HEG1: variants seen among roughly 807,000 people sequenced by gnomAD.
The protein encoded by HEG1 is protein HEG homolog 1.
Under a neutral mutation model 125.6 loss-of-function variants are expected in HEG1, and 56 were observed. The observed-to-expected ratio is 0.45, with a 90% CI of 0.36 to 0.56. The LOEUF (loss-of-function observed/expected upper bound fraction) is 0.56. Ranked by LOEUF, HEG1 falls within the 20% of genes least tolerant of loss-of-function variation. The probability of loss-of-function intolerance (pLI) is 0.00; values close to 1 mark genes in which losing one functional copy is unlikely to be tolerated. For missense variants in HEG1, 1,523 were observed against 1,670.0 expected, an observed-to-expected ratio of 0.91 and a Z score of 1.53; for synonymous variants, 644 against 668.5, an observed-to-expected ratio of 0.96 and a Z score of 0.57.
In HEG1 at chr3:124,977,858, C is replaced by T; in HGVS notation, c.3821+1G>A. On this transcript the variant is annotated splice_donor_variant, in intron 15 of 16. Transcript: ENST00000311127. LOFTEE classifies it high-confidence loss of function. ...TTGGAACCTGAACTCTCATCACTTA[C>T]CTGCAACAGGTAACAATCAGTGCGA... 1 of 1,561,120 alleles carries T rather than the reference C, an allele frequency of 6.4e-7. No homozygotes were observed. The highest frequency in any genetic ancestry group is 8.7e-7 in the Non-Finnish European group (1 of 1,151,420).
chr3:124,994,042 T>C (rs926148601), intron 12 of HEG1, among the ~76,000 whole-genome samples: 5 of 152,170 alleles, frequency 3.3e-5, no homozygotes, highest in Admixed American at 2.6e-4. Flanking sequence ...CCCCACGTTT[T>C]TGGCACCAGT....
intron 1 of HEG1, among the ~76,000 whole-genome samples, chr3:125,045,167 CA>C (rs1937643735): frequency 1.3e-5 from 2 of 152,326 alleles, no homozygotes; most frequent in South Asian, 4.1e-4. Context: ...AAGTGAAGCT[CA>C]CTAAACCTGT....
chr3:125,031,583 A>G (rs1042902467), intron 1 of HEG1, among the ~76,000 whole-genome samples: 1 of 152,122 alleles, frequency 6.6e-6, no homozygotes. Flanking sequence ...ATTTATATGA[A>G]TCAAACAAAA....
intron 1 of HEG1, among the ~76,000 whole-genome samples, chr3:125,038,651 C>G (rs767934550): frequency 9.9e-5 from 15 of 152,220 alleles, no homozygotes; most frequent in African/African-American, 2.4e-5. Flanking sequence ...CTGAGTTCAT[C>G]AGGGCCACTG....
chr3:125,013,318 G>T lies in HEG1; in HGVS notation c.2261C>A (p.Pro754His), dbSNP rs912548318. Residue 754 changes from proline (P) to histidine (H), a missense_variant, in exon 6 of 17, where the codon CCT (proline) becomes CAT (histidine). Coordinates refer to ENST00000311127, the MANE Select transcript of HEG1 (RefSeq NM_020733.2). ...TGTTGATGTCTGAAATGAAGTCACA[G>T]GAGTCTCCCTTGCCCTGGGCAGGAC... ...TPVLPRARET[P>H]VTSFQTSTMT... 6.2e-7 allele frequency: 1 copy of T among 1,613,894 alleles called. No individual in the cohort carries two copies. Among genetic ancestry groups the T allele is most frequent in the Non-Finnish European group, 8.5e-7 (1 of 1,179,896 alleles).
At chr3:124,974,508 C>T (rs1021524937) in intron 15 of HEG1, among the ~76,000 whole-genome samples, 36 of 152,204 alleles carry the variant, frequency 2.4e-4, no homozygotes, top group African/African-American at 7.9e-4. Flanking sequence ...TTCTACTACA[C>T]GAAGCAAATA....
rs1401803502 is a variant in HEG1, at chr3:125,020,956, G to C, written c.1088C>G (p.Ser363Cys). The change falls in exon 4 of 17, where the codon TCC (serine) becomes TGC (cysteine). Residue 363 changes from serine (S) to cysteine (C), a missense_variant. Physicochemically the swap from Ser to Cys is moderately radical, Grantham distance 112. Coordinates refer to ENST00000311127, the MANE Select transcript of HEG1 (RefSeq NM_020733.2). ...TGAGGATGAAGTCGTGGCAATTCTG[G>C]AGTCCTTGGGGAAGCCTTCTGTCTT... ...VSKTEGFPKDSRIATTSSSVL... is the reference protein window; with the variant it reads ...VSKTEGFPKDCRIATTSSSVL... 1.2e-6 allele frequency: 2 copies of C among 1,613,832 alleles called. No homozygotes were observed. Among genetic ancestry groups the C allele is most frequent in the African/African-American group, 1.3e-5 (1 of 74,904 alleles).
chr3:125,031,846 A>G (rs1937507572), intron 1 of HEG1, among the ~76,000 whole-genome samples: 2 of 152,128 alleles, frequency 1.3e-5, no homozygotes, highest in South Asian at 2.1e-4. Flanking sequence ...ACACACATAC[A>G]CACGGAACAA....
In HEG1 at chr3:125,013,552, A is replaced by C; in HGVS notation, c.2027T>G (p.Leu676Trp). 6.4e-7 allele frequency: 1 copy of C among 1,573,012 alleles called. No homozygotes were observed. Among genetic ancestry groups the C allele is most frequent in the Non-Finnish European group, 8.6e-7 (1 of 1,163,782 alleles). Residue 676 changes from leucine to tryptophan, a missense_variant, in exon 6 of 17, where the codon TTG (leucine) becomes TGG (tryptophan). Physicochemically the swap from Leu to Trp is moderately conservative, Grantham distance 61 (BLOSUM62 -2). Coordinates refer to ENST00000311127, the MANE Select transcript of HEG1 (RefSeq NM_020733.2). ...GGATTGTGACACAGAGGGCAGAGGC[A>C]AAGGAGGCCCTGAAGAAGAAGAAGA... ...SSSSSSSGPP[L>W]PLPSVSQSHH...
Position 125,027,272 on chromosome 3 carries a change from TC to T in HEG1, c.845del (p.Gly282AspfsTer19). On this transcript the variant is annotated frameshift_variant, in exon 3 of 17. Transcript: ENST00000311127. LOFTEE classifies it high-confidence loss of function. Reference protein sequence around the residue: ...TTPSRKRNSSGPDLSWLHFYR... With the variant: ...TTPSRKRNSSXPDLSWLHFYR... Reference sequence around the variant, plus strand: ...AGAAATGCAGCCAGGAGAGATCTGGTCCTGAGGAATTTCTCTTCCTAGAAGG... The same window carrying T: ...AGAAATGCAGCCAGGAGAGATCTGGTCTGAGGAATTTCTCTTCCTAGAAGG... 14 of 1,613,252 alleles carry T rather than the reference TC, an allele frequency of 8.7e-6. No individual in the cohort carries two copies. Among genetic ancestry groups the T allele is most frequent in the Non-Finnish European group, 1.1e-5 (13 of 1,179,650 alleles).
chr3:125,043,123 G>A (rs78432408), intron 1 of HEG1, among the ~76,000 whole-genome samples: 2 of 152,282 alleles, frequency 1.3e-5, no homozygotes, highest in East Asian at 3.9e-4. Flanking sequence ...TTTTTAAAAC[G>A]CTTCCCCTGC....
Position 124,978,802 on chromosome 3 carries a change from AAAATAAATAAAT to A in HEG1, c.3734-868_3734-857del, listed in dbSNP as rs10673332. On this transcript the variant is annotated intron_variant, in intron 14 of 16. Coordinates refer to ENST00000311127, the MANE Select transcript of HEG1 (RefSeq NM_020733.2). ...GGTGACACAGTGAGACTCTGTCTCA[AAAATAAATAAAT>A]AAATAAATAAATAAATAAATAAATA... 2.9e-3 allele frequency among the ~76,000 whole-genome samples: 400 copies of A among 140,086 alleles called. 2 individuals are homozygous for A. The highest frequency in any genetic ancestry group is 0.01 in the South Asian group (44 of 4,294). The allele number at this position is 140,086 out of a possible 152,430, so 91.9% of individuals were successfully genotyped here.
intron 2 of HEG1, 59 bp downstream of exon 2, chr3:125,029,136 C>CT (rs1379661712): frequency 6.5e-7 from 1 of 1,536,010 alleles, no homozygotes; most frequent in Non-Finnish European, 8.8e-7. Flanking sequence ...ATGGCAGAAA[C>CT]TTTGTTTTCC....
intron 14 of HEG1, among the ~76,000 whole-genome samples, chr3:124,987,523 CTTTTTTTTTTT>C (rs1204657705): frequency 1.5e-5 from 2 of 136,182 alleles, no homozygotes; most frequent in Admixed American, 1.5e-4. Context: ...TTCTTTTTTT[CTTTTTTTTTTT>C]TTTTTTGAGA....
intron 1 of HEG1, among the ~76,000 whole-genome samples, chr3:125,043,430 T>C (rs1305706695): frequency 3.3e-5 from 5 of 151,960 alleles, no homozygotes; most frequent in Non-Finnish European, 2.9e-5. Flanking sequence ...GTTTTTTTTT[T>C]TCCAAGGCCT....
Position 124,995,441 on chromosome 3 carries a change from G to A in HEG1, c.3652+2248C>T, listed in dbSNP as rs4317143. ...ACATTTTCTGTGAGACACCAAGCAC[G>A]TTGTGTGTGCATGTGTGTGTGTGCA... On this transcript the variant is annotated intron_variant, in intron 12 of 16. Transcript: ENST00000311127. Among the ~76,000 whole-genome samples the A allele has an allele frequency of 8.3e-4, 127 of 152,352 alleles. No individual in the cohort carries two copies. The East Asian group carries it at 0.019, about 23-fold the overall frequency.
intron 14 of HEG1, 78 bp from the exon 15 acceptor site, chr3:124,978,024 C>G: frequency 9.2e-7 from 1 of 1,088,004 alleles, no homozygotes; most frequent in South Asian, 1.4e-5. Flanking sequence ...ATGGTCTCCC[C>G]TGACTCTACA....
At chr3:125,020,620 C>A (rs547627778) in intron 4 of HEG1, among the ~76,000 whole-genome samples, 172 bp downstream of exon 4, 1 of 152,126 alleles carries the variant, frequency 6.6e-6, no homozygotes, top group Non-Finnish European at 1.5e-5. Context: ...AGGAATGACA[C>A]CTGTCTGACT....
At chr3:125,008,934 C>T (rs4368548) in intron 8 of HEG1, among the ~76,000 whole-genome samples, 82,851 of 152,218 alleles carry the variant, frequency 0.54, 23,872 homozygotes, top group Middle Eastern at 0.67. Context: ...CTAAAGTTAA[C>T]ACATTATCAT....
Sources: allele counts gnomAD v4.1 joint callset (sites outside exome capture counted in the v4.1 genomes callset), GRCh38; gene constraint gnomAD v4.1.1; transcripts MANE v1.5; gene names NCBI Gene and HGNC (gene_info 2026-07-23, HGNC 2026-07-21).